SHF: variants seen among roughly 807,000 people sequenced by gnomAD.
The protein encoded by SHF is Src homology 2 domain containing F.
SHF carries 30 observed loss-of-function variants against 42.4 expected under a neutral mutation model. The observed-to-expected ratio is 0.71, with a 90% CI of 0.53 to 0.96. The LOEUF is 0.96. Ranked by LOEUF, SHF falls within the 40% of genes least tolerant of loss-of-function variation. The pLI is 0.00. For missense variants in SHF, 598 were observed against 634.0 expected (o/e 0.94, Z 0.61); for synonymous variants, 264 against 269.9 (o/e 0.98, Z 0.21).
intron 6 of SHF, among the ~76,000 whole-genome samples, chr15:45,168,639 G>A (rs1052569695): frequency 1.3e-5 from 2 of 152,156 alleles, no homozygotes; most frequent in Non-Finnish European, 2.9e-5. Context: ...CTAATGACTA[G>A]GGGGAAGGGG....
chr15:45,198,744 T>A (rs777400632), intron 2 of SHF: 1 of 1,595,206 alleles, frequency 6.3e-7, no homozygotes. Context: ...GCCTTCCCAG[T>A]TTGCGCGTCA....
At chr15:45,172,024 G>C (rs1423642063) in intron 5 of SHF, 22 bp from the exon 6 acceptor site, 4 of 1,613,788 alleles carry the variant, frequency 2.5e-6, no homozygotes, top group Admixed American at 1.7e-5. Flanking sequence ...AGAGAGGAAG[G>C]GGGGCATCTC....
intron 1 of SHF, among the ~76,000 whole-genome samples, chr15:45,181,737 CAA>C (rs1393439355): frequency 2.0e-5 from 3 of 152,162 alleles, no homozygotes; most frequent in Admixed American, 2.0e-4. Flanking sequence ...GAATAGAAAT[CAA>C]AGACTCTGGC....
In SHF at chr15:45,178,303, C is replaced by G. The variant is rs755533622; in HGVS notation, c.502G>C (p.Ala168Pro). ...SGPPASSDRL[A>P]ILEDYADPFD... ...GGGTCCGCATAGTCTTCTAGGATAG[C>G]TAGCTGTGGGAGGAGAGTGAAGAGA... The change falls in exon 2 of 7, where the codon GCT (alanine) becomes CCT (proline). Residue 168 changes from alanine (A) to proline (P), a missense_variant. Coordinates refer to ENST00000690270, the MANE Select transcript of SHF (RefSeq NM_001394037.1). The G allele has an allele frequency of 6.2e-7, 1 of 1,612,468 alleles. No homozygotes were observed. Among genetic ancestry groups the G allele is most frequent in the Non-Finnish European group, 8.5e-7 (1 of 1,179,254 alleles).
intron 3 of SHF, 135 bp downstream of exon 3, chr15:45,175,084 C>T: frequency 1.0e-6 from 1 of 967,994 alleles, no homozygotes. Context: ...CCCTATGGTA[C>T]AGAACTCAAC....
chr15:45,194,073 G>A (rs2141446819), intron 2 of SHF, among the ~76,000 whole-genome samples: 1 of 139,174 alleles, frequency 7.2e-6, no homozygotes, highest in African/African-American at 2.7e-5. Context: ...CTGTACTCCA[G>A]CCTGGGCAGC....
At chr15:45,198,209 G>A (rs535426242) in intron 2 of SHF, among the ~76,000 whole-genome samples, 1 of 152,226 alleles carries the variant, frequency 6.6e-6, no homozygotes, top group East Asian at 1.9e-4. Flanking sequence ...GGGAGGCGGA[G>A]GCTGCAGTGA....
At chr15:45,193,114 C>T (rs969001289) in intron 2 of SHF, among the ~76,000 whole-genome samples, 1 of 152,224 alleles carries the variant, frequency 6.6e-6, no homozygotes, top group Non-Finnish European at 1.5e-5. Context: ...TTATCCCCCA[C>T]ATTGATGATC....
chr15:45,171,958 A>G lies in SHF; in HGVS notation c.1205T>C (p.Leu402Pro). The G allele has an allele frequency of 6.2e-7, 1 of 1,613,852 alleles. No homozygotes were observed. The highest frequency in any genetic ancestry group is 1.1e-5 in the South Asian group (1 of 91,056). ...GTAGCTGGCCTCTTTGCACAGCCGG[A>G]GCAGGTTCTCGGCGTCGGTTCGGCT... ...AISRTDAENLLRLCKEASYLV... is the reference protein window; with the variant it reads ...AISRTDAENLPRLCKEASYLV... Residue 402 changes from leucine to proline, a missense_variant, in exon 6 of 7, where the codon CTC becomes CCC. Leu to Pro is a moderately conservative substitution (Grantham distance 98). This residue lies in a region of SHF where 439 missense variants were observed against 524.6 expected (regional missense o/e 0.84). Coordinates refer to ENST00000690270, the MANE Select transcript of SHF (RefSeq NM_001394037.1).
exon 1 of SHF, chr15:45,200,866 C>T (rs895792200): frequency 1.5e-5 from 7 of 456,180 alleles, no homozygotes; most frequent in Admixed American, 1.4e-4. Context: ...GACTTTGGGC[C>T]ACCATTCGGG....
At chr15:45,199,054 G>A (rs544905178) in exon 2 of SHF, 1 of 1,597,080 alleles carries the variant, frequency 6.3e-7, no homozygotes, top group Non-Finnish European at 8.5e-7. Flanking sequence ...CGCTCCTCAC[G>A]GGTCCTCCCT....
chr15:45,178,094 C>G, intron 2 of SHF, 71 bp downstream of exon 2: 1 of 1,543,810 alleles, frequency 6.5e-7, no homozygotes, highest in Non-Finnish European at 8.7e-7. Context: ...AGTCCTTAGA[C>G]TTGTGAGTCG....
At chr15:45,180,409 G>T (rs1368480992) in intron 1 of SHF, among the ~76,000 whole-genome samples, 3 of 152,182 alleles carry the variant, frequency 2.0e-5, no homozygotes, top group Non-Finnish European at 2.9e-5. Context: ...GATTCTGTCA[G>T]TCGGCAGCCA....
intron 2 of SHF, among the ~76,000 whole-genome samples, chr15:45,177,473 T>G (rs1897876114): frequency 6.6e-6 from 1 of 152,338 alleles, no homozygotes. Flanking sequence ...GAATTCATCA[T>G]GGCTCCACTC....
upstream of SHF, among the ~76,000 whole-genome samples, chr15:45,192,275 C>A (rs143163283): frequency 2.1e-3 from 286 of 135,056 alleles, 1 homozygote; most frequent in African/African-American, 7.8e-3. Context: ...TTTGAAAAAT[C>A]TTTAAATTTT....
intron 4 of SHF, 84 bp downstream of exon 4, chr15:45,173,492 C>T (rs985696988): frequency 1.4e-6 from 2 of 1,423,612 alleles, no homozygotes; most frequent in African/African-American, 1.4e-5. Context: ...AATCCTGCCC[C>T]ACCTCTCAGC....
In SHF at chr15:45,175,222, C is replaced by T; in HGVS notation, c.844G>A (p.Ala282Thr). The change falls in exon 3 of 7, where the codon GCA becomes ACA. Residue 282 changes from alanine (A) to threonine (T), a missense_variant. By Grantham distance (58) the Ala-to-Thr change is moderately conservative. Coordinates refer to ENST00000690270, the MANE Select transcript of SHF (RefSeq NM_001394037.1). ...WKKERISKAF[A>T]VDIKVIKDLP... ...TGCCCTCTCCACCAGGACTCACCTG[C>T]AAAGGCTTTGGAAATCCGCTCCTTC... 1 of 1,608,572 alleles carries T rather than the reference C, an allele frequency of 6.2e-7. No individual in the cohort carries two copies. Among genetic ancestry groups the T allele is most frequent in the East Asian group, 2.2e-5 (1 of 44,804 alleles).
In SHF at chr15:45,176,012, G is replaced by A. The variant is rs184251417; in HGVS notation, c.641-587C>T. On this transcript the variant is annotated intron_variant, in intron 2 of 6. Coordinates refer to ENST00000690270, the MANE Select transcript of SHF (RefSeq NM_001394037.1). The stretch of plus-strand genomic sequence containing the variant: ...TTTTGTATTTTTGTAGAGATGGGGG[G>A]TTTCACCATGTTGGCCAGGCTGGTC... Among the ~76,000 whole-genome samples, 97 of 151,902 alleles carry A rather than the reference G, an allele frequency of 6.4e-4. 1 individual carries two copies. Among genetic ancestry groups the A allele is most frequent in the African/African-American group, 2.2e-3 (90 of 41,424 alleles).
chr15:45,175,767 C>G (rs1417743544), intron 2 of SHF, among the ~76,000 whole-genome samples: 1 of 152,132 alleles, frequency 6.6e-6, no homozygotes, highest in African/African-American at 2.4e-5. Context: ...TGCCAAGCTC[C>G]ATTTGTTTCC....
Sources: allele counts gnomAD v4.1 joint callset (sites outside exome capture counted in the v4.1 genomes callset), GRCh38; gene constraint gnomAD v4.1.1; regional missense constraint gnomAD v4.1.1; transcripts MANE v1.5; gene names NCBI Gene and HGNC (gene_info 2026-07-23, HGNC 2026-07-21).